Variants in ORC2 observed in about 807,000 individuals in gnomAD.
ORC2 encodes the protein origin recognition complex subunit 2, also known as origin recognition complex protein 2 homolog.
Under a neutral mutation model 77.7 loss-of-function variants are expected in ORC2, and 37 were observed. The ratio of observed to expected loss-of-function variants is 0.48; its 90% CI spans 0.37 to 0.63. ORC2 has a LOEUF of 0.63. Among genes scored for constraint, ORC2 ranks in the 20% least tolerant of loss-of-function variants. The pLI is 0.00. For synonymous variants in ORC2, 201 were observed against 229.5 expected (o/e 0.88, Z 1.12); for missense variants, 557 against 661.9 (o/e 0.84, Z 1.74).
At chr2:200,942,455 C>A (rs2041171920) in intron 6 of ORC2, among the ~76,000 whole-genome samples, 1 of 152,154 alleles carries the variant, frequency 6.6e-6, no homozygotes, top group African/African-American at 2.4e-5. Context: ...TTCTGGTTAA[C>A]CCTGTCAATT....
intron 13 of ORC2, 188 bp from the exon 14 acceptor site, chr2:200,921,327 G>GTT (rs16841498): frequency 1.5e-5 from 5 of 331,868 alleles, no homozygotes; most frequent in Admixed American, 4.7e-5. Flanking sequence ...CTGGCTAATT[G>GTT]TTTTTTTGGT....
chr2:200,941,982 G>GA (rs1480460623), intron 6 of ORC2, among the ~76,000 whole-genome samples: 1 of 150,660 alleles, frequency 6.6e-6, no homozygotes, highest in Non-Finnish European at 1.5e-5. Context: ...CAGCCTGGGT[G>GA]AAAAGCGAGA....
Position 200,909,607 on chromosome 2 carries a change from A to C in ORC2, c.*1694T>G, listed in dbSNP as rs946784879. 1 of 151,424 alleles carries C rather than the reference A, an allele frequency of 6.6e-6. No homozygotes were observed. Among genetic ancestry groups the C allele is most frequent in the African/African-American group, 2.4e-5 (1 of 41,136 alleles). The allele number at this position is 151,424 out of a possible 1,614,324, so 9.4% of individuals were successfully genotyped here. Reference sequence around the variant, plus strand: ...TAGTCCCAGCTCAGGAGGCTGAGGCACAAGAATCACTTGAACCCAGGAGGT... The same window carrying C: ...TAGTCCCAGCTCAGGAGGCTGAGGCCCAAGAATCACTTGAACCCAGGAGGT... On this transcript the variant is annotated 3_prime_UTR_variant, in exon 18 of 18. Coordinates refer to ENST00000234296, the MANE Select transcript of ORC2 (RefSeq NM_006190.5).
At chr2:200,957,922 C>A in intron 3 of ORC2, 108 bp downstream of exon 3, 1 of 672,116 alleles carries the variant, frequency 1.5e-6, no homozygotes, top group African/African-American at 1.8e-5. Context: ...CTAACCAGAT[C>A]AATCCTTTGC....
intron 4 of ORC2, among the ~76,000 whole-genome samples, chr2:200,951,040 A>T (rs940113638): frequency 6.6e-6 from 1 of 152,214 alleles, no homozygotes; most frequent in African/African-American, 2.4e-5. Context: ...GGTTTCTTAT[A>T]AAATAGACTT....
intron 7 of ORC2, among the ~76,000 whole-genome samples, chr2:200,940,134 C>T (rs1286727275): frequency 6.6e-6 from 1 of 152,198 alleles, no homozygotes; most frequent in Non-Finnish European, 1.5e-5. Context: ...ACTTTATGTA[C>T]TGCCTTCTGT....
At position 200,921,029 on chromosome 2, in the gene ORC2, G is replaced by A. The variant is rs1181402382; in HGVS notation, c.1258C>T (p.Leu420Phe). 42 of 1,606,242 alleles carry A rather than the reference G, an allele frequency of 2.6e-5. No homozygotes were observed. Among genetic ancestry groups the A allele is most frequent in the Non-Finnish European group, 3.4e-5 (40 of 1,175,662 alleles). ...TTGAGGTGGTCAATGGATGCTATAA[G>A]GTAAATGTTATGCAAAGATGACAAC... Reference protein sequence around the residue: ...GQLSSLHNIYLIASIDHLNAP... With the variant: ...GQLSSLHNIYFIASIDHLNAP... Residue 420 changes from leucine to phenylalanine, a missense_variant, in exon 14 of 18, where the codon CTT becomes TTT. Leu to Phe is a conservative substitution (Grantham distance 22). Coordinates refer to ENST00000234296, the MANE Select transcript of ORC2 (RefSeq NM_006190.5).
chr2:200,941,495 T>TAAA (rs762042280), intron 6 of ORC2, among the ~76,000 whole-genome samples: 2 of 105,064 alleles, frequency 1.9e-5, no homozygotes, highest in Non-Finnish European at 4.2e-5. Flanking sequence ...AATTAAAAAT[T>TAAA]AAAAAAAAAA....
At chr2:200,938,803 G>A (rs1257611760) in intron 7 of ORC2, among the ~76,000 whole-genome samples, 4 of 152,134 alleles carry the variant, frequency 2.6e-5, no homozygotes, top group African/African-American at 7.2e-5. Flanking sequence ...ATTTTGGGAG[G>A]CCAAGGCGGG....
intron 13 of ORC2, among the ~76,000 whole-genome samples, chr2:200,923,624 A>G (rs893564746): frequency 1.3e-5 from 2 of 152,182 alleles, no homozygotes; most frequent in African/African-American, 4.8e-5. Context: ...ACTGTAACTC[A>G]TAACTGAAGG....
At chr2:200,945,877 T>C (rs530207216) in intron 5 of ORC2, among the ~76,000 whole-genome samples, 2 of 152,322 alleles carry the variant, frequency 1.3e-5, no homozygotes, top group East Asian at 3.9e-4. Context: ...GGAGTGCAGA[T>C]ATCTCTTCGA....
chr2:200,963,023 G>C (rs1440505598), intron 1 of ORC2: 1 of 154,790 alleles, frequency 6.5e-6, no homozygotes, highest in African/African-American at 2.4e-5. Flanking sequence ...CAGTGGTTCT[G>C]GGACGCGATC....
chr2:200,926,668 G>A (rs2040842925), intron 12 of ORC2, 100 bp downstream of exon 12: 2 of 1,209,578 alleles, frequency 1.7e-6, no homozygotes, highest in Non-Finnish European at 2.4e-6. Context: ...CTACCGTGAA[G>A]GCTAAAACAA....
intron 6 of ORC2, among the ~76,000 whole-genome samples, chr2:200,942,206 A>G (rs2041167575): frequency 6.6e-6 from 1 of 152,158 alleles, no homozygotes; most frequent in Admixed American, 6.6e-5. Context: ...AAAAATGAAA[A>G]AAACAGAAAT....
chr2:200,950,035 TG>T (rs1175801717), intron 4 of ORC2, among the ~76,000 whole-genome samples: 1 of 152,110 alleles, frequency 6.6e-6, no homozygotes, highest in Non-Finnish European at 1.5e-5. Context: ...AGCTGTTTTA[TG>T]GTAGAAGCTT....
At position 200,931,388 on chromosome 2, in the gene ORC2, G is replaced by A; in HGVS notation, c.868C>T (p.Leu290=). The A allele has an allele frequency of 6.5e-7, 1 of 1,533,028 alleles. No individual in the cohort carries two copies. The highest frequency in any genetic ancestry group is 8.7e-7 in the Non-Finnish European group (1 of 1,145,344). 95.0% of individuals were successfully genotyped at this position (1,533,028 alleles called of 1,614,324 possible). ...SPSFSAELKQ[L]NQQYEKLFHK... is the part of the protein sequence containing the mutation. Reference sequence around the variant, plus strand: ...AATAATTTTTCATACTGTTGATTTAGTTGTTTAAGTTCGGCAGAAAAGGAA... The same window carrying A: ...AATAATTTTTCATACTGTTGATTTAATTGTTTAAGTTCGGCAGAAAAGGAA... The change falls in exon 11 of 18, where the codon CTA becomes TTA. Residue 290 remains leucine (L), a synonymous_variant. Coordinates refer to ENST00000234296, the MANE Select transcript of ORC2 (RefSeq NM_006190.5).
At chr2:200,960,166 T>C (rs1284543465) in intron 1 of ORC2, among the ~76,000 whole-genome samples, 2 of 151,760 alleles carry the variant, frequency 1.3e-5, no homozygotes, top group African/African-American at 4.8e-5. Context: ...TTTGTAGAAA[T>C]GAGGTTTCAC....
chr2:200,936,787 A>G (rs890193485), intron 8 of ORC2, among the ~76,000 whole-genome samples: 6 of 152,082 alleles, frequency 3.9e-5, no homozygotes, highest in African/African-American at 7.2e-5. Flanking sequence ...CATCCCTACA[A>G]CTCCCCAGAA....
At chr2:200,944,786 C>T (rs2041221918) in intron 5 of ORC2, among the ~76,000 whole-genome samples, 2 of 152,016 alleles carry the variant, frequency 1.3e-5, no homozygotes, top group African/African-American at 2.4e-5. Flanking sequence ...GTTCTCCTCC[C>T]GCCTCGGCCT....
Sources: gnomAD v4.1 joint callset for allele counts (sites outside exome capture counted in the v4.1 genomes callset) on GRCh38, gnomAD v4.1.1 for gene constraint, MANE v1.5 for transcripts, NCBI Gene and HGNC (gene_info 2026-07-23, HGNC 2026-07-21) for gene names.